The following GPHN variants were observed in gnomAD, a reference collection of about 807,000 sequenced individuals.
GPHN encodes the protein gephyrin.
GPHN carries 17 observed loss-of-function variants against 95.5 expected under a neutral mutation model. The observed-to-expected ratio is 0.18, with a 90% CI of 0.12 to 0.27. GPHN has a LOEUF of 0.27. Ranked by LOEUF, GPHN falls within the 10% of genes least tolerant of loss-of-function variation. The probability of loss-of-function intolerance (pLI) is 1.00; values close to 1 mark genes in which losing one functional copy is unlikely to be tolerated. For synonymous variants in GPHN, 320 were observed against 322.5 expected, an observed-to-expected ratio of 0.99 and a Z score of 0.08; for missense variants, 660 against 978.1, an observed-to-expected ratio of 0.67 and a Z score of 4.34.
rs371907071 is a variant in GPHN, at chr14:66,781,024, G to A, written c.201+4503G>A. ...ATAAATCACATTTTGGCAGATGTGG[G>A]AATCTTTCACAGTTTTCTAGCACCA... On this transcript the variant is annotated intron_variant, in intron 3 of 22. Transcript: ENST00000478722. 5.9e-4 allele frequency among the ~76,000 whole-genome samples: 90 copies of A among 152,132 alleles called. 3 individuals are homozygous for A. Among genetic ancestry groups the A allele is most frequent in the African/African-American group, 2.1e-3 (87 of 41,506 alleles).
rs543497087 is a variant in GPHN, at chr14:67,032,031, T to G, written c.1006+8356T>G. Among the ~76,000 whole-genome samples, 8 of 152,308 alleles carry G rather than the reference T, an allele frequency of 5.3e-5. No homozygotes were observed. The South Asian group carries it at 1.7e-3, about 32-fold the overall frequency. On this transcript the variant is annotated intron_variant, in intron 10 of 22. Coordinates refer to ENST00000478722, the MANE Select transcript of GPHN (RefSeq NM_020806.5). ...TTCATGAAAACTCCAGAAAAAAGGT[T>G]GTTGCAATACCCCCAAGCTGGCACA... is the stretch of plus-strand genomic sequence containing the variant.
chr14:67,725,009 T>C, the GPHN span: 2 of 1,402,764 alleles, frequency 1.4e-6, no homozygotes, highest in East Asian at 2.3e-5. Context: ...GGAGAATGAA[T>C]GCTCTGTCCC....
At chr14:67,542,142 C>A in the GPHN span, 1 of 756,816 alleles carries the variant, frequency 1.3e-6, no homozygotes, top group Non-Finnish European at 2.0e-6. Flanking sequence ...AGTTTAAGAC[C>A]AAAGTCCGAG....
chr14:66,805,012 A>T (rs1293152974), intron 3 of GPHN, among the ~76,000 whole-genome samples: 1 of 152,184 alleles, frequency 6.6e-6, no homozygotes, highest in East Asian at 1.9e-4. Context: ...ACTCATTTTA[A>T]TTCTCTGTAT....
At chr14:67,722,891 C>T in the GPHN span, among the ~76,000 whole-genome samples, 79 of 152,310 alleles carry the variant, frequency 5.2e-4, 4 homozygotes, top group South Asian at 0.015. Context: ...GAAGCATCTG[C>T]GGCCGGGCAG....
intron 2 of GPHN, among the ~76,000 whole-genome samples, chr14:66,754,401 A>T (rs746248352): frequency 2.6e-5 from 4 of 152,020 alleles, no homozygotes; most frequent in African/African-American, 9.7e-5. Context: ...TTCATATCAT[A>T]ATACAGAATG....
At chr14:67,459,206 A>T in the GPHN span, among the ~76,000 whole-genome samples, 1 of 150,834 alleles carries the variant, frequency 6.6e-6, no homozygotes, top group Non-Finnish European at 1.5e-5. Flanking sequence ...AATTTTTTAA[A>T]TTTTTTTTGT....
chr14:67,346,507 G>A, the GPHN span, among the ~76,000 whole-genome samples: 2 of 152,182 alleles, frequency 1.3e-5, no homozygotes, highest in African/African-American at 4.8e-5. Flanking sequence ...TGGAGACGGG[G>A]TTTCACCATG....
chr14:66,720,512 T>C (rs1251421322), intron 2 of GPHN, among the ~76,000 whole-genome samples: 1 of 152,186 alleles, frequency 6.6e-6, no homozygotes, highest in African/African-American at 2.4e-5. Flanking sequence ...TCCTGGACTC[T>C]AAGCCAAGAG....
At chr14:67,491,026 C>G in the GPHN span, among the ~76,000 whole-genome samples, 7 of 152,160 alleles carry the variant, frequency 4.6e-5, no homozygotes, top group African/African-American at 1.7e-4. Flanking sequence ...TCTGAGGGCT[C>G]AGTCCCACAA....
intron 1 of GPHN, among the ~76,000 whole-genome samples, chr14:66,564,757 G>A (rs1006951723): frequency 1.3e-5 from 2 of 152,162 alleles, no homozygotes; most frequent in African/African-American, 2.4e-5. Context: ...GTGTGCGTGT[G>A]CATGCATATG....
chr14:67,403,542 A>G, the GPHN span, among the ~76,000 whole-genome samples: 3 of 152,240 alleles, frequency 2.0e-5, no homozygotes, highest in Non-Finnish European at 4.4e-5. Context: ...TATGTCCTCC[A>G]AGAAACCCCT....
At chr14:66,970,211 G>C (rs1360123897) in intron 9 of GPHN, among the ~76,000 whole-genome samples, 1 of 151,268 alleles carries the variant, frequency 6.6e-6, no homozygotes, top group Non-Finnish European at 1.5e-5. Context: ...CTTTATATGA[G>C]GGATATATAC....
chr14:67,670,038 T>C, the GPHN span, among the ~76,000 whole-genome samples: 3 of 152,170 alleles, frequency 2.0e-5, no homozygotes, highest in African/African-American at 7.2e-5. Flanking sequence ...AAGGCTGCAG[T>C]GAGCAGTGAT....
chr14:66,747,911 G>A (rs1388107887), intron 2 of GPHN, among the ~76,000 whole-genome samples: 2 of 147,856 alleles, frequency 1.4e-5, no homozygotes, highest in Non-Finnish European at 3.0e-5. Flanking sequence ...GTGAACTATA[G>A]TGTTAACATT....
chr14:67,159,584 G>A (rs1196700107), intron 19 of GPHN, 96 bp downstream of exon 19: 1 of 783,980 alleles, frequency 1.3e-6, no homozygotes, highest in Non-Finnish European at 2.3e-6. Flanking sequence ...TTCCTATTAT[G>A]AATTAACTAT....
intron 2 of GPHN, among the ~76,000 whole-genome samples, chr14:66,737,701 TCTTTC>T (rs1478835031): frequency 6.6e-6 from 1 of 152,182 alleles, no homozygotes; most frequent in East Asian, 1.9e-4. Flanking sequence ...GCCCCAGAAC[TCTTTC>T]CTTTTCTGGA....
At chr14:66,980,320 C>T (rs1343371954) in intron 9 of GPHN, among the ~76,000 whole-genome samples, 7 of 152,122 alleles carry the variant, frequency 4.6e-5, no homozygotes, top group Admixed American at 2.0e-4. Context: ...CAGGCTAAGC[C>T]AGTCTCTTCT....
chr14:66,769,312 A>G (rs542599104), intron 2 of GPHN, among the ~76,000 whole-genome samples: 2 of 152,172 alleles, frequency 1.3e-5, no homozygotes, highest in East Asian at 3.9e-4. Context: ...GTTTTTAAAA[A>G]TTATGTTACC....
Sources: gnomAD v4.1 joint callset for allele counts (sites outside exome capture counted in the v4.1 genomes callset) on GRCh38, gnomAD v4.1.1 for gene constraint, MANE v1.5 for transcripts, NCBI Gene and HGNC (gene_info 2026-07-23, HGNC 2026-07-21) for gene names.